Variants in ADGB observed in about 807,000 individuals in gnomAD.
The protein encoded by ADGB is androglobin.
Under a neutral mutation model 210.5 loss-of-function variants are expected in ADGB, and 172 were observed. The observed-to-expected ratio is 0.82, with a 90% confidence interval of 0.72 to 0.93. The LOEUF is 0.93. ADGB is among the 40% of genes least tolerant of loss of function. The pLI, the probability that ADGB is intolerant of heterozygous loss-of-function variation, is 0.00. For synonymous variants in ADGB, 658 were observed against 662.7 expected, an observed-to-expected ratio of 0.99 and a Z score of 0.11; for missense variants, 2,025 against 1,964.8, an observed-to-expected ratio of 1.03 and a Z score of -0.58.
chr6:146,786,741 A>T (rs952341778), intron 32 of ADGB, among the ~76,000 whole-genome samples: 7 of 152,214 alleles, frequency 4.6e-5, no homozygotes, highest in African/African-American at 1.7e-4. Context: ...AATAGAGTCT[A>T]ATGTAATGCT....
intron 35 of ADGB, among the ~76,000 whole-genome samples, chr6:146,813,158 A>G (rs1317816985): frequency 1.3e-5 from 2 of 152,108 alleles, no homozygotes; most frequent in Non-Finnish European, 2.9e-5. Flanking sequence ...GCTTTTCAAG[A>G]CAGTTCTATC....
Position 146,746,034 on chromosome 6 carries a change from ACT to A in ADGB, c.3294_3295del (p.Pro1099MetfsTer17), listed in dbSNP as rs1562290651. On this transcript the variant is annotated frameshift_variant, in exon 26 of 36. Coordinates refer to ENST00000397944, the MANE Select transcript of ADGB (RefSeq NM_024694.4). LOFTEE classifies it high-confidence loss of function. The stretch of plus-strand genomic sequence containing the variant: ...GCTCCACTGCCATGCCTCTCTCGAG[ACT>A]CTCCATGCAATTCCTTTGCCATAAA... The A allele has an allele frequency of 1.3e-6, 2 of 1,551,020 alleles. No individual in the cohort carries two copies. Among genetic ancestry groups the A allele is most frequent in the Admixed American group, 2.0e-5 (1 of 50,952 alleles).
At chr6:146,735,273 A>G (rs1003162984) in intron 22 of ADGB, among the ~76,000 whole-genome samples, 2 of 152,202 alleles carry the variant, frequency 1.3e-5, no homozygotes, top group African/African-American at 4.8e-5. Context: ...GGTTATTTAT[A>G]AAGAACAGAG....
intron 35 of ADGB, chr6:146,807,300 G>A: frequency 2.6e-6 from 3 of 1,155,516 alleles, no homozygotes; most frequent in Middle Eastern, 4.2e-4. Flanking sequence ...GCCTATGAAT[G>A]TGTGGGCATA....
rs117061693 is a variant in ADGB at position 146,805,918 on chromosome 6, G to T, written c.4818+3907G>T. ...TTATAAATACTATGCTTTCATTTTT[G>T]ATTGTTCTCTGCTACAATAAAGACT... On this transcript the variant is annotated intron_variant, in intron 35 of 35. Transcript: ENST00000397944. Among the ~76,000 whole-genome samples the T allele has an allele frequency of 5.3e-4, 81 of 152,222 alleles. No homozygotes were observed. In the East Asian group the frequency reaches 5.4e-3, roughly 10 times the overall value.
At chr6:146,811,488 T>G (rs1177987643) in intron 35 of ADGB, among the ~76,000 whole-genome samples, 1 of 152,078 alleles carries the variant, frequency 6.6e-6, no homozygotes, top group Non-Finnish European at 1.5e-5. Context: ...TGTAAATATA[T>G]TCAGGATATT....
intron 8 of ADGB, among the ~76,000 whole-genome samples, chr6:146,674,563 A>G (rs1776061733): frequency 6.6e-6 from 1 of 152,142 alleles, no homozygotes; most frequent in Non-Finnish European, 1.5e-5. Context: ...GTTTGGTAGG[A>G]GAAGATGAGG....
At chr6:146,660,708 T>G (rs1775843058) in intron 5 of ADGB, among the ~76,000 whole-genome samples, 1 of 152,188 alleles carries the variant, frequency 6.6e-6, no homozygotes, top group Admixed American at 6.5e-5. Context: ...ATTTCATCTT[T>G]ATGTATATAG....
chr6:146,653,864 A>G (rs781765668), intron 3 of ADGB, among the ~76,000 whole-genome samples: 26 of 152,070 alleles, frequency 1.7e-4, no homozygotes, highest in Non-Finnish European at 3.1e-4. Context: ...TATCTTAAGG[A>G]ATGTGTTTAT....
At chr6:146,813,535 T>A (rs1451986209) in intron 35 of ADGB, among the ~76,000 whole-genome samples, 1 of 152,222 alleles carries the variant, frequency 6.6e-6, no homozygotes, top group Non-Finnish European at 1.5e-5. Context: ...CTTTCATTTT[T>A]GATTGTTCTC....
chr6:146,745,592 G>A (rs1267922120), intron 25 of ADGB, among the ~76,000 whole-genome samples: 1 of 152,230 alleles, frequency 6.6e-6, no homozygotes, highest in African/African-American at 2.4e-5. Flanking sequence ...GCTACTCTGG[G>A]ATGGTGCAAT....
intron 1 of ADGB, among the ~76,000 whole-genome samples, chr6:146,601,814 C>A (rs1369309600): frequency 6.6e-6 from 1 of 152,180 alleles, no homozygotes; most frequent in Non-Finnish European, 1.5e-5. Flanking sequence ...TCATGTTTGG[C>A]TTTTGCCTCA....
intron 9 of ADGB, among the ~76,000 whole-genome samples, chr6:146,679,319 AATT>A (rs1776127188): frequency 1.3e-5 from 2 of 152,168 alleles, no homozygotes; most frequent in African/African-American, 2.4e-5. Context: ...TCCCAGTCTA[AATT>A]ATTATCTAGT....
chr6:146,617,032 G>A (rs142259106), intron 1 of ADGB, among the ~76,000 whole-genome samples: 20 of 152,000 alleles, frequency 1.3e-4, no homozygotes, highest in Non-Finnish European at 2.1e-4. Flanking sequence ...AGATCACTGC[G>A]CCTAGTATAG....
intron 16 of ADGB, among the ~76,000 whole-genome samples, chr6:146,719,984 T>A (rs1055828417): frequency 6.6e-6 from 1 of 152,228 alleles, no homozygotes; most frequent in Non-Finnish European, 1.5e-5. Context: ...TCTAGCAATC[T>A]TTGTTATAGT....
At chr6:146,641,819 C>T (rs528336778) in intron 2 of ADGB, among the ~76,000 whole-genome samples, 1 of 152,114 alleles carries the variant, frequency 6.6e-6, no homozygotes, top group South Asian at 2.1e-4. Context: ...ACAACCTAGG[C>T]AATACCATCC....
At chr6:146,765,804 C>T (rs925425851) in intron 28 of ADGB, among the ~76,000 whole-genome samples, 10 of 150,992 alleles carry the variant, frequency 6.6e-5, no homozygotes, top group African/African-American at 2.4e-4. Context: ...AACAAATGAG[C>T]TAAGCTATTG....
chr6:146,657,219 C>T (rs933591416), intron 5 of ADGB, among the ~76,000 whole-genome samples: 1 of 151,366 alleles, frequency 6.6e-6, no homozygotes, highest in African/African-American at 2.4e-5. Flanking sequence ...CCACCTACTC[C>T]GGAGGCTGAT....
chr6:146,672,617 G>A, intron 8 of ADGB, 150 bp downstream of exon 8: 1 of 923,238 alleles, frequency 1.1e-6, no homozygotes. Flanking sequence ...ATTCAAGGCA[G>A]GTCACAGAAT....
Sources: gnomAD v4.1 joint callset for allele counts (sites outside exome capture counted in the v4.1 genomes callset) on GRCh38, gnomAD v4.1.1 for gene constraint, MANE v1.5 for transcripts, NCBI Gene and HGNC (gene_info 2026-07-23, HGNC 2026-07-21) for gene names.